GUF1: variants seen among roughly 807,000 people sequenced by gnomAD.
GUF1 encodes GTP binding elongation factor GUF1, also known as translation factor GUF1, mitochondrial.
In GUF1, 78 loss-of-function variants were observed where a neutral mutation model predicts 82.4. The ratio of observed to expected loss-of-function variants is 0.95; its 90% CI spans 0.79 to 1.14. GUF1 has a LOEUF of 1.14. GUF1 is among the 50% of genes most tolerant of loss of function. The probability of loss-of-function intolerance (pLI) is 0.00; values close to 1 mark genes in which losing one functional copy is unlikely to be tolerated. For missense variants in GUF1, 814 were observed against 798.2 expected, an observed-to-expected ratio of 1.02 and a Z score of -0.24; for synonymous variants, 279 against 282.3, an observed-to-expected ratio of 0.99 and a Z score of 0.12.
chr4:44,692,582 T>G (rs1015091490), intron 13 of GUF1, among the ~76,000 whole-genome samples: 1 of 151,984 alleles, frequency 6.6e-6, no homozygotes, highest in Non-Finnish European at 1.5e-5. Context: ...ATGTTAATGT[T>G]AACATGCAGA....
Position 44,680,723 on chromosome 4 carries a change from CA to C in GUF1, c.308del (p.Gln103ArgfsTer34). The C allele has an allele frequency of 6.2e-7, 1 of 1,606,644 alleles. No individual in the cohort carries two copies. The highest frequency in any genetic ancestry group is 8.5e-7 in the Non-Finnish European group (1 of 1,175,094). On this transcript the variant is annotated frameshift_variant, in exon 3 of 17. Coordinates refer to ENST00000281543, the MANE Select transcript of GUF1 (RefSeq NM_021927.3). LOFTEE classifies it high-confidence loss of function. ...GTIDKTKNNK[Q>X]VLDKLQVERE... ...AATTGATAAAACAAAGAATAATAAG[CA>C]GGTTCTTGATAAATTGCAAGTGGAA... is the stretch of plus-strand genomic sequence containing the variant.
chr4:44,683,583 A>G (rs533706457), intron 6 of GUF1, among the ~76,000 whole-genome samples: 3 of 152,228 alleles, frequency 2.0e-5, no homozygotes, highest in African/African-American at 4.8e-5. Context: ...TAGTTAGCCA[A>G]TGTGCCAGGA....
At chr4:44,686,446 A>G in intron 7 of GUF1, 64 bp from the exon 8 acceptor site, 1 of 1,025,506 alleles carries the variant, frequency 9.8e-7, no homozygotes, top group Non-Finnish European at 1.4e-6. Context: ...TAAGTTGAAA[A>G]TAAGAATTTT....
intron 10 of GUF1, 100 bp downstream of exon 10, chr4:44,689,509 A>G (rs1715287497): frequency 7.8e-7 from 1 of 1,277,248 alleles, no homozygotes; most frequent in Middle Eastern, 2.0e-4. Context: ...AAATATCTTT[A>G]TAAGTAAGGG....
Position 44,686,542 on chromosome 4 carries a change from CT to C in GUF1, c.770del (p.Leu257TrpfsTer13). 1.9e-6 allele frequency: 3 copies of C among 1,611,860 alleles called. No individual in the cohort carries two copies. The highest frequency in any genetic ancestry group is 2.5e-6 in the Non-Finnish European group (3 of 1,178,500). ...PKVHRKNPLR[A>X]LVFDSTFDQY... ...GTGCATCGCAAAAATCCTCTGAGAG[CT>C]TTGGTATTTGACTCCACCTTTGACC... On this transcript the variant is annotated frameshift_variant, in exon 8 of 17. Transcript: ENST00000281543. LOFTEE classifies it high-confidence loss of function.
intron 6 of GUF1, among the ~76,000 whole-genome samples, chr4:44,685,502 G>T (rs1340560787): frequency 1.3e-5 from 2 of 151,982 alleles, no homozygotes; most frequent in South Asian, 2.1e-4. Context: ...TTGCTTTTCT[G>T]GTGTGAGAAC....
chr4:44,687,251 G>T (rs368844809), intron 8 of GUF1, among the ~76,000 whole-genome samples: 1 of 151,836 alleles, frequency 6.6e-6, no homozygotes, highest in African/African-American at 2.4e-5. Flanking sequence ...ATGACCTTGG[G>T]TACATAATTT....
In GUF1 at chr4:44,689,953, T is replaced by C. The variant is rs569246765; in HGVS notation, c.1313T>C (p.Leu438Pro). The stretch of plus-strand genomic sequence containing the variant: ...CCTACTGTTCCATATAAAGCTGTAC[T>C]GTCATCATCAAAATTGATAAAGGTA... Reference protein sequence around the residue: ...TTPTVPYKAVLSSSKLIKEHR... With the variant: ...TTPTVPYKAVPSSSKLIKEHR... Residue 438 changes from leucine (L) to proline (P), a missense_variant, in exon 11 of 17, where the codon CTG becomes CCG. Physicochemically the swap from Leu to Pro is moderately conservative, Grantham distance 98 (BLOSUM62 -3). Transcript: ENST00000281543. 5.6e-5 allele frequency: 88 copies of C among 1,582,182 alleles called. 3 individuals carry two copies. In the South Asian group the frequency reaches 9.7e-4, roughly 17 times the overall value.
In GUF1 at chr4:44,694,419, T is replaced by G; in HGVS notation, c.1621T>G (p.Tyr541Asp). The G allele has an allele frequency of 1.2e-6, 2 of 1,607,800 alleles. No individual in the cohort carries two copies. Among genetic ancestry groups the G allele is most frequent in the Non-Finnish European group, 1.7e-6 (2 of 1,174,894 alleles). The change falls in exon 14 of 17, where the codon TAC (tyrosine) becomes GAC (aspartate). Residue 541 changes from tyrosine (Y) to aspartate (D), a missense_variant. Transcript: ENST00000281543. ...SLSSGYASFD[Y>D]EDAGYQTAEL... ...GGACTTTTTTCCTTTTAGTTTTGAT[T>G]ACGAAGATGCAGGCTACCAGACTGC...
At chr4:44,692,115 C>G (rs1339114934) in intron 13 of GUF1, among the ~76,000 whole-genome samples, 1 of 151,838 alleles carries the variant, frequency 6.6e-6, no homozygotes, top group African/African-American at 2.4e-5. Context: ...AAAAATTTAC[C>G]ATAACCTCAG....
chr4:44,682,725 A>G (rs1388657697), intron 5 of GUF1: 3 of 185,054 alleles, frequency 1.6e-5, no homozygotes, highest in South Asian at 1.9e-4. Context: ...TTTATAATCT[A>G]GGAAGAAACA....
intron 15 of GUF1, 134 bp downstream of exon 15, chr4:44,695,868 CCA>C: frequency 1.2e-6 from 1 of 835,446 alleles, no homozygotes; most frequent in Non-Finnish European, 1.8e-6. Flanking sequence ...ATGGTGCTCT[CCA>C]GTTTTCTGAT....
rs1337189573 is a variant in GUF1 at position 44,691,764 on chromosome 4, T to C, written c.1578T>C (p.Tyr526=). The part of the protein sequence containing the change: ...FPLNEIVVDF[Y]DSLKSLSSGY... ...TGAATGAAATTGTGGTAGATTTTTA[T>C]GACTCTTTGAAATCCCTATCTTCTG... Residue 526 remains tyrosine, a synonymous_variant, in exon 13 of 17, where the codon TAT becomes TAC. Coordinates refer to ENST00000281543, the MANE Select transcript of GUF1 (RefSeq NM_021927.3). The C allele has an allele frequency of 1.9e-6, 3 of 1,597,068 alleles. No homozygotes were observed. The highest frequency in any genetic ancestry group is 2.3e-5 in the East Asian group (1 of 44,002).
intron 6 of GUF1, among the ~76,000 whole-genome samples, chr4:44,684,462 C>T (rs1425183049): frequency 1.3e-5 from 2 of 151,992 alleles, no homozygotes; most frequent in Admixed American, 6.6e-5. Flanking sequence ...TGCTGGGACT[C>T]GTGCTGTGCT....
rs1442155777 is a variant in GUF1 at position 44,686,014 on chromosome 4, G to A, written c.725G>A (p.Arg242Lys). ...AGTGTTCTTCAGGCAATTATTGAAA[G>A]AATCCCCCCGTGAGTATTTGGTGAT... is the stretch of plus-strand genomic sequence containing the variant. ...VESVLQAIIE[R>K]IPPPKVHRKN... The change falls in exon 7 of 17, where the codon AGA becomes AAA. Residue 242 changes from arginine to lysine, a missense_variant. Coordinates refer to ENST00000281543, the MANE Select transcript of GUF1 (RefSeq NM_021927.3). 3 of 1,602,246 alleles carry A rather than the reference G, an allele frequency of 1.9e-6. No individual in the cohort carries two copies. The highest frequency in any genetic ancestry group is 3.3e-5 in the Admixed American group (2 of 59,876).
At chr4:44,694,844 G>C (rs1447117731) in intron 14 of GUF1, among the ~76,000 whole-genome samples, 1 of 151,442 alleles carries the variant, frequency 6.6e-6, no homozygotes, top group Non-Finnish European at 1.5e-5. Context: ...GTCTCATTCT[G>C]TTGCCAGGCT....
chr4:44,681,235 T>C (rs1714757162), intron 4 of GUF1, 32 bp downstream of exon 4: 2 of 1,429,384 alleles, frequency 1.4e-6, no homozygotes, highest in Admixed American at 3.5e-5. Flanking sequence ...TGATGTGATA[T>C]GACATGACTA....
chr4:44,687,572 T>A (rs1715137532), intron 8 of GUF1, among the ~76,000 whole-genome samples: 3 of 151,972 alleles, frequency 2.0e-5, no homozygotes, highest in African/African-American at 7.2e-5. Context: ...AGGAGGAATA[T>A]CAAGTGTCCA....
intron 10 of GUF1, 81 bp from the exon 11 acceptor site, chr4:44,689,762 G>C: frequency 8.7e-7 from 1 of 1,155,284 alleles, no homozygotes; most frequent in Non-Finnish European, 1.2e-6. Flanking sequence ...CTCCCTTAAA[G>C]TAACAATATG....
Sources: allele counts gnomAD v4.1 joint callset (sites outside exome capture counted in the v4.1 genomes callset), GRCh38; gene constraint gnomAD v4.1.1; transcripts MANE v1.5; gene names NCBI Gene and HGNC (gene_info 2026-07-23, HGNC 2026-07-21).